Variants in PTPRN2 observed in about 807,000 individuals in gnomAD.
PTPRN2 encodes protein tyrosine phosphatase receptor type N2.
In PTPRN2, 74 loss-of-function variants were observed where a neutral mutation model predicts 118.8. The ratio of observed to expected loss-of-function variants is 0.62; its 90% confidence interval spans 0.52 to 0.76. The LOEUF (loss-of-function observed/expected upper bound fraction) is 0.76. PTPRN2 is among the 30% of genes least tolerant of loss of function. The pLI, the probability that PTPRN2 is intolerant of heterozygous loss-of-function variation, is 0.00. For synonymous variants in PTPRN2, 641 were observed against 608.0 expected (o/e 1.05, Z -0.80); for missense variants, 1,481 against 1,394.4 (o/e 1.06, Z -0.99).
chr7:158,387,737 T>C (rs1047926681), intron 2 of PTPRN2, among the ~76,000 whole-genome samples: 1 of 152,138 alleles, frequency 6.6e-6, no homozygotes, highest in African/African-American at 2.4e-5. Flanking sequence ...CAGGGCGAAG[T>C]TTCCTGAAGG....
intron 1 of PTPRN2, among the ~76,000 whole-genome samples, chr7:158,542,372 C>T (rs1266978534): frequency 6.6e-6 from 1 of 152,210 alleles, no homozygotes; most frequent in Admixed American, 6.5e-5. Flanking sequence ...AGGCTGGTCT[C>T]GAACTTCTAA....
rs1826144073 is a variant in PTPRN2, at chr7:158,544,060, G to A, written c.112+43498C>T. Among the ~76,000 whole-genome samples, 1 of 152,214 alleles carries A rather than the reference G, an allele frequency of 6.6e-6. No homozygotes were observed. The highest frequency in any genetic ancestry group is 6.5e-5 in the Admixed American group (1 of 15,284). ...CTGCACGGCACCAGAGTTGTGCAAGGAAGCAGAGGAGGCGGTGAGTGCCCC... is the reference window on the plus strand; with the variant it reads ...CTGCACGGCACCAGAGTTGTGCAAGAAAGCAGAGGAGGCGGTGAGTGCCCC... On this transcript the variant is annotated intron_variant, in intron 1 of 22. Transcript: ENST00000389418. The surrounding 1 kb of genome is among the most constrained non-coding windows in gnomAD (Gnocchi z 4.2).
chr7:157,733,408 T>C (rs1372754569), intron 12 of PTPRN2, among the ~76,000 whole-genome samples: 2 of 68,856 alleles, frequency 2.9e-5, no homozygotes, highest in Non-Finnish European at 5.6e-5. Context: ...TTCCACCCCA[T>C]GCGCCCAGCA....
chr7:158,070,325 C>CATG (rs1811126661), intron 11 of PTPRN2, among the ~76,000 whole-genome samples: 1 of 140,406 alleles, frequency 7.1e-6, no homozygotes, highest in African/African-American at 2.7e-5. Context: ...TGGAGGTGCT[C>CATG]GTGGTGTGGA....
chr7:157,844,746 T>A (rs1808677609), intron 12 of PTPRN2, among the ~76,000 whole-genome samples: 1 of 152,158 alleles, frequency 6.6e-6, no homozygotes, highest in Non-Finnish European at 1.5e-5. Context: ...CGGCACTGAG[T>A]TCTCAGGACT....
In PTPRN2 at chr7:157,668,676, C is replaced by T. The variant is rs537524306; in HGVS notation, c.2002-12125G>A. Among the ~76,000 whole-genome samples, 7 of 152,252 alleles carry T rather than the reference C, an allele frequency of 4.6e-5. No individual in the cohort carries two copies. The East Asian group carries it at 7.7e-4, about 17-fold the overall frequency. On this transcript the variant is annotated intron_variant, in intron 13 of 22. Coordinates refer to ENST00000389418, the MANE Select transcript of PTPRN2 (RefSeq NM_002847.5). The stretch of plus-strand genomic sequence containing the variant: ...TCAGAGGGCAACACACAGCAGAAGC[C>T]GCGGGGCCCGGTGCAACCACAGGTG...
At chr7:158,536,402 C>A (rs996007435) in intron 1 of PTPRN2, among the ~76,000 whole-genome samples, 3 of 152,204 alleles carry the variant, frequency 2.0e-5, no homozygotes, top group African/African-American at 7.2e-5. Context: ...GACACAAGGG[C>A]CTTCCCAGCC....
intron 12 of PTPRN2, among the ~76,000 whole-genome samples, chr7:157,730,584 G>A (rs1437855178): frequency 6.6e-6 from 1 of 152,198 alleles, no homozygotes; most frequent in Non-Finnish European, 1.5e-5. Flanking sequence ...CATTACTGAG[G>A]TTGTCAAAAT....
At chr7:158,143,031 A>G (rs1384941851) in intron 6 of PTPRN2, among the ~76,000 whole-genome samples, 2 of 152,066 alleles carry the variant, frequency 1.3e-5, no homozygotes, top group East Asian at 3.9e-4. Flanking sequence ...CCGAGCCACG[A>G]GCCCAGAGCA....
At chr7:158,478,956 A>T (rs1243404617) in intron 2 of PTPRN2, among the ~76,000 whole-genome samples, 1 of 152,156 alleles carries the variant, frequency 6.6e-6, no homozygotes, top group African/African-American at 2.4e-5. Flanking sequence ...TCACCGCGAC[A>T]GTCACTGGGG....
rs560849743 is a variant in PTPRN2 at position 157,674,425 on chromosome 7, C to T, written c.2001+8300G>A. Among the ~76,000 whole-genome samples the T allele has an allele frequency of 3.9e-5, 6 of 152,310 alleles. No homozygotes were observed. Among genetic ancestry groups the T allele is most frequent in the South Asian group, 2.1e-4 (1 of 4,826 alleles). ...ATCTGCTGGGTCCTCCTCGGTTTGA[C>T]GTGCAATTGCTTTTCCCGAAGCTTT... On this transcript the variant is annotated intron_variant, in intron 13 of 22. Transcript: ENST00000389418. The surrounding 1 kb of genome is among the most constrained non-coding windows in gnomAD (Gnocchi z 4.5).
intron 1 of PTPRN2, among the ~76,000 whole-genome samples, chr7:158,535,197 C>T (rs2129449057): frequency 6.6e-6 from 1 of 152,296 alleles, no homozygotes; most frequent in Admixed American, 6.5e-5. Flanking sequence ...ATATCTTGTT[C>T]CTTCCACAAT....
intron 11 of PTPRN2, among the ~76,000 whole-genome samples, chr7:157,971,264 A>T (rs192335181): frequency 1.3e-5 from 2 of 152,224 alleles, no homozygotes. Flanking sequence ...GACCTTCAAT[A>T]AAAAAGGTTA....
intron 12 of PTPRN2, among the ~76,000 whole-genome samples, chr7:157,768,916 C>G (rs1256881603): frequency 6.6e-6 from 1 of 152,216 alleles, no homozygotes; most frequent in Non-Finnish European, 1.5e-5. Context: ...TCGACACACA[C>G]ATCTCTGAGT....
At chr7:157,973,818 G>T (rs953511405) in intron 11 of PTPRN2, among the ~76,000 whole-genome samples, 5 of 152,162 alleles carry the variant, frequency 3.3e-5, no homozygotes, top group African/African-American at 1.2e-4. Context: ...AGAAGACCAC[G>T]CGGCATGGAA....
intron 12 of PTPRN2, among the ~76,000 whole-genome samples, chr7:157,798,390 C>T (rs1805006746): frequency 6.6e-6 from 1 of 152,142 alleles, no homozygotes; most frequent in South Asian, 2.1e-4. Flanking sequence ...ACCTTTGTCC[C>T]CATGCTAAAT....
rs182007725 is a variant in PTPRN2, at chr7:158,503,750, C to G, written c.113-13965G>C. 5.9e-5 allele frequency among the ~76,000 whole-genome samples: 9 copies of G among 152,328 alleles called. No homozygotes were observed. In the East Asian group the frequency reaches 1.7e-3, roughly 29 times the overall value. On this transcript the variant is annotated intron_variant, in intron 1 of 22. Transcript: ENST00000389418. ...CCACGGTGGCTCACGCCTGTAATCC[C>G]AGCACTTTGGGAGGCCGAGGCAGGC... is the stretch of plus-strand genomic sequence containing the variant.
intron 12 of PTPRN2, among the ~76,000 whole-genome samples, chr7:157,791,539 C>G (rs1804497775): frequency 6.8e-6 from 1 of 146,898 alleles, no homozygotes; most frequent in South Asian, 2.2e-4. Context: ...CGCCCCCGCT[C>G]CCTGCACCCA....
chr7:158,307,671 C>A (rs761217321), intron 3 of PTPRN2, among the ~76,000 whole-genome samples: 1 of 152,142 alleles, frequency 6.6e-6, no homozygotes, highest in Admixed American at 6.5e-5. Flanking sequence ...CAAAGTAAAT[C>A]TAATGAAAGC....
Sources: gnomAD v4.1 joint callset for allele counts (sites outside exome capture counted in the v4.1 genomes callset) on GRCh38, gnomAD v4.1.1 for gene constraint, Gnocchi (gnomAD v3.1) non-coding constraint, MANE v1.5 for transcripts, NCBI Gene and HGNC (gene_info 2026-07-23, HGNC 2026-07-21) for gene names.